The following HACE1 variants were observed in gnomAD, a reference collection of about 807,000 sequenced individuals.
The protein encoded by HACE1 is E3 ubiquitin-protein ligase HACE1.
In HACE1, 73 loss-of-function variants were observed where a neutral mutation model predicts 118.4. The observed-to-expected ratio is 0.62, with a 90% CI of 0.51 to 0.75. The LOEUF is 0.75. HACE1 is among the 30% of genes least tolerant of loss of function. The pLI is 0.00. For missense variants in HACE1, 749 were observed against 1,102.2 expected (o/e 0.68, Z 4.54); for synonymous variants, 368 against 374.8 (o/e 0.98, Z 0.21).
At chr6:104,807,619 T>C (rs141158561) in intron 7 of HACE1, among the ~76,000 whole-genome samples, 60 of 152,204 alleles carry the variant, frequency 3.9e-4, no homozygotes, top group African/African-American at 1.4e-3. Context: ...AAGGATTGAA[T>C]ATAAAACCAA....
intron 6 of HACE1, 63 bp from the exon 7 acceptor site, chr6:104,811,456 C>G (rs1771616756): frequency 1.3e-6 from 1 of 795,124 alleles, no homozygotes; most frequent in African/African-American, 1.7e-5. Flanking sequence ...ACAATTACCA[C>G]AATTTTAATC....
intron 19 of HACE1, among the ~76,000 whole-genome samples, chr6:104,762,142 G>A (rs868195561): frequency 7.2e-5 from 11 of 152,162 alleles, no homozygotes; most frequent in East Asian, 3.9e-4. Context: ...ACAGTGTGGC[G>A]ATTCCTCAAG....
At chr6:104,848,186 T>C (rs1775846352) in intron 4 of HACE1, among the ~76,000 whole-genome samples, 1 of 150,808 alleles carries the variant, frequency 6.6e-6, no homozygotes, top group Non-Finnish European at 1.5e-5. Context: ...CCGGGTGCGG[T>C]GGCTCACGCC....
At chr6:104,838,813 G>A (rs1014323147) in intron 5 of HACE1, among the ~76,000 whole-genome samples, 1 of 141,790 alleles carries the variant, frequency 7.1e-6, no homozygotes, top group Non-Finnish European at 1.5e-5. Context: ...CATAGAATGG[G>A]AGAAAATAAC....
At chr6:104,797,834 C>T (rs1314079180) in intron 7 of HACE1, among the ~76,000 whole-genome samples, 1 of 151,870 alleles carries the variant, frequency 6.6e-6, no homozygotes, top group Admixed American at 6.6e-5. Flanking sequence ...TTTGAGAGGC[C>T]GGGGTAGGTG....
chr6:104,772,672 T>C (rs1780768029), intron 17 of HACE1, among the ~76,000 whole-genome samples: 1 of 152,206 alleles, frequency 6.6e-6, no homozygotes, highest in Non-Finnish European at 1.5e-5. Flanking sequence ...GTCTTTCTAA[T>C]GGCAAACAAT....
At chr6:104,822,743 G>T (rs1162816914) in intron 6 of HACE1, among the ~76,000 whole-genome samples, 1 of 151,894 alleles carries the variant, frequency 6.6e-6, no homozygotes, top group Non-Finnish European at 1.5e-5. Flanking sequence ...TGTAATCCCA[G>T]CTACTCAGGA....
chr6:104,781,200 T>C (rs575018538), intron 14 of HACE1, among the ~76,000 whole-genome samples: 12 of 152,286 alleles, frequency 7.9e-5, no homozygotes, highest in Admixed American at 1.3e-4. Context: ...TTAACTTTTT[T>C]CAGTACAGAC....
chr6:104,742,090 G>C (rs1766415786), intron 22 of HACE1, among the ~76,000 whole-genome samples: 1 of 136,372 alleles, frequency 7.3e-6, no homozygotes, highest in Admixed American at 7.2e-5. Context: ...AATGGTGCTG[G>C]GAAAACTGGC....
intron 14 of HACE1, among the ~76,000 whole-genome samples, chr6:104,783,104 C>T (rs996771110): frequency 4.6e-5 from 7 of 152,196 alleles, no homozygotes; most frequent in Non-Finnish European, 1.0e-4. Flanking sequence ...TGCTGCAATA[C>T]TGCAGTTTTA....
In HACE1 at chr6:104,785,326, G is replaced by T; in HGVS notation, c.1075-7C>A. 3 of 1,498,164 alleles carry T rather than the reference G, an allele frequency of 2.0e-6. No homozygotes were observed. The highest frequency in any genetic ancestry group is 2.8e-6 in the Non-Finnish European group (3 of 1,084,464). The allele number at this position is 1,498,164 out of a possible 1,614,324, so 92.8% of individuals were successfully genotyped here. ...GCCAAAGCAATTCCAGAGGCTGAGA[G>T]AAACAAAAGTGTTTTTTAAACATCA... On this transcript the variant is annotated splice_region_variant and splice_polypyrimidine_tract_variant and intron_variant, in intron 11 of 23. Transcript: ENST00000262903.
At chr6:104,859,374 C>G (rs1777072381) in intron 1 of HACE1, 193 bp downstream of exon 1, 6 of 529,958 alleles carry the variant, frequency 1.1e-5, no homozygotes, top group Admixed American at 4.2e-5. Context: ...CCCGAAAACT[C>G]CCACCTGCCG....
intron 19 of HACE1, among the ~76,000 whole-genome samples, chr6:104,768,136 T>C (rs1385800618): frequency 3.3e-5 from 5 of 152,194 alleles, no homozygotes; most frequent in African/African-American, 9.6e-5. Context: ...GGTATTTTCA[T>C]CTATTTGGTT....
chr6:104,743,301 T>C (rs998903187), intron 22 of HACE1, among the ~76,000 whole-genome samples: 11 of 149,808 alleles, frequency 7.3e-5, no homozygotes, highest in African/African-American at 2.4e-4. Context: ...ACCCTAAAAC[T>C]TAAAGTATAA....
intron 13 of HACE1, 28 bp from the exon 14 acceptor site, chr6:104,784,201 G>T: frequency 7.8e-7 from 1 of 1,281,166 alleles, no homozygotes; most frequent in South Asian, 1.2e-5. Context: ...TGTTTAAATG[G>T]ACAGGAAGAA....
rs774584690 is a variant in HACE1, at chr6:104,744,650, G to T, written c.2344-40C>A. The T allele has an allele frequency of 3.4e-6, 4 of 1,170,016 alleles. No homozygotes were observed. The South Asian group carries it at 3.7e-5, about 11-fold the overall frequency. 72.5% of individuals were successfully genotyped at this position (1,170,016 alleles called of 1,614,324 possible). A position where few individuals can be genotyped will look rare whatever the true frequency, so the allele number is the denominator to read the frequency against. On this transcript the variant is annotated intron_variant, in intron 20 of 23. Transcript: ENST00000262903. ...AAAAATATTTCAATAATTTTCTTTAGGGAAAAAAGTTATTATATTTAAGTG... is the reference window on the plus strand; with the variant it reads ...AAAAATATTTCAATAATTTTCTTTATGGAAAAAAGTTATTATATTTAAGTG...
Position 104,859,824 on chromosome 6 carries a change from C to G in HACE1, c.-182G>C, listed in dbSNP as rs1471965185. Reference sequence around the variant, plus strand: ...CTGCGTCCGGGGGCCGGGCTGCTGCCGGACCGACCACCTACAGTACACCCG... The same window carrying G: ...CTGCGTCCGGGGGCCGGGCTGCTGCGGGACCGACCACCTACAGTACACCCG... On this transcript the variant is annotated 5_prime_UTR_variant, in exon 1 of 24. Transcript: ENST00000262903. 2.5e-5 allele frequency: 14 copies of G among 564,438 alleles called. No homozygotes were observed. The highest frequency in any genetic ancestry group is 3.9e-5 in the Non-Finnish European group (13 of 330,662). The allele number at this position is 564,438 out of a possible 1,614,324, so 35.0% of individuals were successfully genotyped here.
chr6:104,823,590 C>T (rs1204751473), intron 6 of HACE1, among the ~76,000 whole-genome samples: 1 of 151,684 alleles, frequency 6.6e-6, no homozygotes, highest in African/African-American at 2.4e-5. Context: ...CAATAGCGCA[C>T]TTGCAGATAA....
intron 7 of HACE1, among the ~76,000 whole-genome samples, chr6:104,806,973 A>G (rs1771069588): frequency 6.6e-6 from 1 of 151,872 alleles, no homozygotes; most frequent in Non-Finnish European, 1.5e-5. Context: ...TATTTTCTAA[A>G]GGTCCGTTCC....
Sources: gnomAD v4.1 joint callset for allele counts (sites outside exome capture counted in the v4.1 genomes callset) on GRCh38, gnomAD v4.1.1 for gene constraint, MANE v1.5 for transcripts, NCBI Gene and HGNC (gene_info 2026-07-23, HGNC 2026-07-21) for gene names.